Variants in SLC3A2 observed in about 807,000 individuals in gnomAD.
SLC3A2 encodes the protein amino acid transporter heavy chain SLC3A2.
SLC3A2 carries 32 observed loss-of-function variants against 48.5 expected under a neutral mutation model. That is an observed-to-expected ratio of 0.66 (90% CI 0.50 to 0.89). The LOEUF (loss-of-function observed/expected upper bound fraction) is 0.89, where lower values mean the gene tolerates loss of function less well. Ranked by LOEUF, SLC3A2 falls within the 40% of genes least tolerant of loss-of-function variation. The pLI, the probability that SLC3A2 is intolerant of heterozygous loss-of-function variation, is 0.00. For missense variants in SLC3A2, 587 were observed against 680.7 expected, an observed-to-expected ratio of 0.86 and a Z score of 1.53; for synonymous variants, 277 against 288.8, an observed-to-expected ratio of 0.96 and a Z score of 0.41.
intron 1 of SLC3A2, among the ~76,000 whole-genome samples, chr11:62,860,147 G>A (rs1398241605): frequency 6.6e-6 from 1 of 152,124 alleles, no homozygotes; most frequent in Non-Finnish European, 1.5e-5. Flanking sequence ...AAGGTGCTGT[G>A]CCTTGATGTG....
intron 1 of SLC3A2, among the ~76,000 whole-genome samples, chr11:62,859,293 C>T (rs1435693278): frequency 3.9e-5 from 6 of 152,174 alleles, no homozygotes; most frequent in Non-Finnish European, 8.8e-5. Flanking sequence ...CTCGCACCGC[C>T]CTTAATCCAT....
upstream of SLC3A2, among the ~76,000 whole-genome samples, chr11:62,877,332 T>A (rs974484525): frequency 3.9e-5 from 6 of 152,192 alleles, no homozygotes; most frequent in Admixed American, 1.3e-4. Flanking sequence ...AAGTGCTGAT[T>A]ACAGGTGTGA....
rs1362505601 is a variant in SLC3A2, at chr11:62,881,319, C to G, written c.296C>G (p.Ala99Gly). The change falls in exon 1 of 9, where the codon GCC becomes GGC. Residue 99 changes from alanine to glycine, a missense_variant. By Grantham distance (60) the Ala-to-Gly change is moderately conservative. This residue lies in a region of SLC3A2 where 409 missense variants were observed against 446.7 expected (regional missense o/e 0.92). Coordinates refer to ENST00000338663, the MANE Select transcript of SLC3A2 (RefSeq NM_001013251.3). This position sits in a 1 kb window ranked among gnomAD's most constrained non-coding sequence, Gnocchi z 4.0. ...GGCTGGCTCGGCATGCTTGCTGGTGCCGTGGTCATAATCGTGCGAGCGCCG... is the reference window on the plus strand; with the variant it reads ...GGCTGGCTCGGCATGCTTGCTGGTGGCGTGGTCATAATCGTGCGAGCGCCG... ...WLGWLGMLAG[A>G]VVIIVRAPRC... 1.3e-6 allele frequency: 2 copies of G among 1,580,784 alleles called. No individual in the cohort carries two copies. Among genetic ancestry groups the G allele is most frequent in the South Asian group, 1.1e-5 (1 of 87,180 alleles).
At position 62,881,251 on chromosome 11, in the gene SLC3A2, C is replaced by G. The variant is rs770775868; in HGVS notation, c.228C>G (p.Gly76=). The change falls in exon 1 of 9, where the codon GGC becomes GGG. Residue 76 remains glycine, a synonymous_variant. Transcript: ENST00000338663. The surrounding 1 kb of genome is among the most constrained non-coding windows in gnomAD (Gnocchi z 4.0). ...TGCTGAAGGTGGCAGGCAGCCCCGGCTGGGTACGCACCCGCTGGGCACTGC... is the reference window on the plus strand; with the variant it reads ...TGCTGAAGGTGGCAGGCAGCCCCGGGTGGGTACGCACCCGCTGGGCACTGC... ...EELLKVAGSP[G]WVRTRWALLL... is the part of the protein sequence containing the mutation. 15 of 1,584,800 alleles carry G rather than the reference C, an allele frequency of 9.5e-6. No homozygotes were observed. The Middle Eastern group carries it at 9.5e-4, about 100-fold the overall frequency.
At position 62,881,155 on chromosome 11, in the gene SLC3A2, G is replaced by A; in HGVS notation, c.132G>A (p.Lys44=). The part of the protein sequence containing the change: ...LAGAEKNGLV[K]IKVAEDEAEA... ...GAGCCGAGAAGAATGGTCTGGTGAA[G>A]ATCAAGGTGGCGGAAGACGAGGCGG... is the stretch of plus-strand genomic sequence containing the variant. Residue 44 remains lysine (K), a synonymous_variant, in exon 1 of 9, where the codon AAG becomes AAA. Transcript: ENST00000338663. The surrounding 1 kb of genome is among the most constrained non-coding windows in gnomAD (Gnocchi z 4.0). 2 of 1,601,174 alleles carry A rather than the reference G, an allele frequency of 1.2e-6. No individual in the cohort carries two copies. Among genetic ancestry groups the A allele is most frequent in the South Asian group, 1.1e-5 (1 of 88,916 alleles).
chr11:62,884,886 C>T (rs1407601664), intron 5 of SLC3A2, among the ~76,000 whole-genome samples, 196 bp downstream of exon 5: 9 of 115,158 alleles, frequency 7.8e-5, no homozygotes, highest in South Asian at 3.0e-4. Context: ...GGCTGGGGTG[C>T]GATGGCGTGA....
chr11:62,867,322 CTTTTTTTTTTTTTT>C (rs56758000), intron 1 of SLC3A2, among the ~76,000 whole-genome samples: 1 of 67,642 alleles, frequency 1.5e-5, no homozygotes, highest in Admixed American at 2.2e-4. Context: ...CTTTTCTTTT[CTTTTTTTTTTTTTT>C]TTTTTTTTGA....
intron 7 of SLC3A2, among the ~76,000 whole-genome samples, chr11:62,887,139 C>G (rs1228235710): frequency 6.6e-6 from 1 of 152,112 alleles, no homozygotes; most frequent in Non-Finnish European, 1.5e-5. Flanking sequence ...CACAAGAGAG[C>G]TGGAGGTGGT....
In SLC3A2 at chr11:62,882,077, T is replaced by TG; in HGVS notation, c.598+15dup. 6.2e-7 allele frequency: 1 copy of TG among 1,614,010 alleles called. No individual in the cohort carries two copies. The highest frequency in any genetic ancestry group is 1.1e-5 in the South Asian group (1 of 91,084). Reference sequence around the variant, plus strand: ...CGGCTAAAAAAAAGAGTGGGTATCCTGGGGTTCCCAAGGAAACAGCTAGAA... The same window carrying TG: ...CGGCTAAAAAAAAGAGTGGGTATCCTGGGGGTTCCCAAGGAAACAGCTAGAA... On this transcript the variant is annotated intron_variant, in intron 2 of 8. Transcript: ENST00000338663.
In SLC3A2 at chr11:62,881,676, C is replaced by T. The variant is rs73487879; in HGVS notation, c.425-217C>T. ...ACGAGGGTGGGTGACTCAGCGTCCTCCTTCCCCGCGGCGCCAGAAGCCAGT... is the reference window on the plus strand; with the variant it reads ...ACGAGGGTGGGTGACTCAGCGTCCTTCTTCCCCGCGGCGCCAGAAGCCAGT... On this transcript the variant is annotated intron_variant, in intron 1 of 8. Transcript: ENST00000338663. This position sits in a 1 kb window ranked among gnomAD's most constrained non-coding sequence, Gnocchi z 4.0. The T allele has an allele frequency of 5.3e-3, 4,530 of 862,040 alleles. 136 individuals are homozygous for T. The African/African-American group carries it at 0.068, about 13-fold the overall frequency. The allele number at this position is 862,040 out of a possible 1,614,324, so 53.4% of individuals were successfully genotyped here.
At chr11:62,859,950 G>T (rs1220433854) in intron 1 of SLC3A2, among the ~76,000 whole-genome samples, 1 of 152,142 alleles carries the variant, frequency 6.6e-6, no homozygotes, top group Non-Finnish European at 1.5e-5. Flanking sequence ...AGTGGACCCG[G>T]GGACTGGCGC....
chr11:62,871,562 T>C, intron 1 of SLC3A2: 1 of 634,692 alleles, frequency 1.6e-6, no homozygotes, highest in Non-Finnish European at 2.8e-6. Context: ...ATATTATTAT[T>C]ATTATTATTT....
intron 1 of SLC3A2, among the ~76,000 whole-genome samples, chr11:62,869,071 G>A (rs1240882723): frequency 6.6e-6 from 1 of 151,608 alleles, no homozygotes; most frequent in Admixed American, 6.6e-5. Flanking sequence ...GCTAATTTTT[G>A]TATTTTTAGT....
At chr11:62,886,833 A>T (rs566173354) in intron 7 of SLC3A2, among the ~76,000 whole-genome samples, 1 of 152,136 alleles carries the variant, frequency 6.6e-6, no homozygotes, top group East Asian at 1.9e-4. Flanking sequence ...TCCTGGGCTC[A>T]ATCGCTCTGC....
In SLC3A2 at chr11:62,856,334, C is replaced by CA; in HGVS notation, c.66dup (p.His23ThrfsTer33). 1 of 1,613,464 alleles carries CA rather than the reference C, an allele frequency of 6.2e-7. No homozygotes were observed. Among genetic ancestry groups the CA allele is most frequent in the East Asian group, 2.2e-5 (1 of 44,868 alleles). On this transcript the variant is annotated frameshift_variant, in exon 1 of 10. Coordinates refer to the SLC3A2 transcript ENST00000377889. LOFTEE classifies it high-confidence loss of function. ...TCGATTCCGCGCCAGTTGCCTGGCT[C>CA]ACATTCGGAGGCTGGTGTCCAGGGT... is the stretch of plus-strand genomic sequence containing the variant.
intron 1 of SLC3A2, among the ~76,000 whole-genome samples, chr11:62,858,749 G>A (rs1364061289): frequency 6.6e-6 from 1 of 152,168 alleles, no homozygotes; most frequent in Non-Finnish European, 1.5e-5. Flanking sequence ...AGACAATAGT[G>A]GGGAGAGGGT....
intron 1 of SLC3A2, among the ~76,000 whole-genome samples, chr11:62,858,964 C>T (rs1330665858): frequency 2.0e-5 from 3 of 152,204 alleles, no homozygotes; most frequent in Non-Finnish European, 4.4e-5. Flanking sequence ...CCGAGACATT[C>T]CATTGCCCAG....
At chr11:62,876,849 G>C (rs752972544), upstream of SLC3A2, 21 of 947,502 alleles carry the variant, frequency 2.2e-5, no homozygotes, top group Non-Finnish European at 2.8e-5. Flanking sequence ...TGATCCGACT[G>C]CCTCGGCCTC....
chr11:62,860,192 A>C (rs1165816749), intron 1 of SLC3A2, among the ~76,000 whole-genome samples: 1 of 152,016 alleles, frequency 6.6e-6, no homozygotes, highest in Non-Finnish European at 1.5e-5. Context: ...CTTTACACAA[A>C]CATCTCAGCG....
Sources: allele counts gnomAD v4.1 joint callset (sites outside exome capture counted in the v4.1 genomes callset), GRCh38; gene constraint gnomAD v4.1.1; regional missense constraint gnomAD v4.1.1; non-coding constraint Gnocchi (gnomAD v3.1); transcripts MANE v1.5; gene names NCBI Gene and HGNC (gene_info 2026-07-23, HGNC 2026-07-21).